Variants in FREM2 observed in about 807,000 individuals in gnomAD.
The protein encoded by FREM2 is FRAS1 related extracellular matrix 2.
FREM2 carries 119 observed loss-of-function variants against 219.9 expected under a neutral mutation model. The observed-to-expected ratio is 0.54, with a 90% CI of 0.47 to 0.63. FREM2 has a LOEUF of 0.63. Among genes scored for constraint, FREM2 ranks in the 30% least tolerant of loss-of-function variants. The probability of loss-of-function intolerance (pLI) is 0.00; values close to 1 mark genes in which losing one functional copy is unlikely to be tolerated. For synonymous variants in FREM2, 1,562 were observed against 1,522.8 expected, an observed-to-expected ratio of 1.03 and a Z score of -0.60; for missense variants, 4,030 against 3,993.6, an observed-to-expected ratio of 1.01 and a Z score of -0.25.
chr13:38,800,745 T>C (rs1403496979), intron 6 of FREM2, among the ~76,000 whole-genome samples: 1 of 152,174 alleles, frequency 6.6e-6, no homozygotes, highest in Non-Finnish European at 1.5e-5. Flanking sequence ...TTCTCTTGCC[T>C]CAGCCTCCCA....
At chr13:38,835,972 A>G (rs1247415188) in intron 6 of FREM2, among the ~76,000 whole-genome samples, 2 of 152,162 alleles carry the variant, frequency 1.3e-5, no homozygotes, top group African/African-American at 2.4e-5. Context: ...AGAAATTCCA[A>G]TACTATGTTG....
chr13:38,731,619 C>T (rs2137767940), intron 2 of FREM2, among the ~76,000 whole-genome samples: 1 of 152,322 alleles, frequency 6.6e-6, no homozygotes, highest in South Asian at 2.1e-4. Context: ...TATGGATTTT[C>T]ACAAAAGTAA....
intron 6 of FREM2, among the ~76,000 whole-genome samples, chr13:38,805,688 G>A (rs978386724): frequency 6.6e-6 from 1 of 151,890 alleles, no homozygotes; most frequent in African/African-American, 2.4e-5. Context: ...AATAAATTGA[G>A]TATGTGAAGT....
At chr13:38,759,892 T>A (rs540572820) in intron 2 of FREM2, among the ~76,000 whole-genome samples, 1 of 152,346 alleles carries the variant, frequency 6.6e-6, no homozygotes, top group East Asian at 1.9e-4. Flanking sequence ...AAATAAGGTA[T>A]CTTTCTATTC....
chr13:38,687,701 G>C lies in FREM2; in HGVS notation c.357G>C (p.Pro119=), dbSNP rs766039620. The change falls in exon 1 of 24, where the codon CCG becomes CCC. Residue 119 remains proline, a synonymous_variant. Coordinates refer to ENST00000280481, the MANE Select transcript of FREM2 (RefSeq NM_207361.6). ...ACAACGACGCACTGGCCCAGCGACC[G>C]GGCCGCCTGAGTCCCAAGCGCTTCC... ...VLDNDALAQR[P]GRLSPKRFPC... 1.1e-4 allele frequency: 174 copies of C among 1,570,764 alleles called. No individual in the cohort carries two copies. The highest frequency in any genetic ancestry group is 1.5e-4 in the Non-Finnish European group (171 of 1,155,950).
intron 6 of FREM2, among the ~76,000 whole-genome samples, chr13:38,801,962 A>G (rs4325422): frequency 8.5e-4 from 130 of 152,250 alleles, no homozygotes; most frequent in African/African-American, 2.9e-3. Flanking sequence ...ATATGGGTAG[A>G]TGTCATCTGT....
intron 2 of FREM2, among the ~76,000 whole-genome samples, chr13:38,764,067 C>CTT (rs761929861): frequency 1.3e-5 from 2 of 152,154 alleles, no homozygotes; most frequent in African/African-American, 2.4e-5. Flanking sequence ...CTACCCATTA[C>CTT]CTACTTCCCC....
rs1157083162 is a variant in FREM2, at chr13:38,885,708, A to C, written c.*4921A>C. On this transcript the variant is annotated 3_prime_UTR_variant, in exon 24 of 24. Coordinates refer to ENST00000280481, the MANE Select transcript of FREM2 (RefSeq NM_207361.6). Reference sequence around the variant, plus strand: ...GTTAAGGCTTTCAGATGAAAGAAAAAAGAACTTCCTGCAAAAGATCAAAAG... The same window carrying C: ...GTTAAGGCTTTCAGATGAAAGAAAACAGAACTTCCTGCAAAAGATCAAAAG... 3.3e-5 allele frequency: 5 copies of C among 152,200 alleles called. No individual in the cohort carries two copies. Among genetic ancestry groups the C allele is most frequent in the African/African-American group, 9.6e-5 (4 of 41,464 alleles). The allele number at this position is 152,200 out of a possible 1,614,324, so 9.4% of individuals were successfully genotyped here. A position where few individuals can be genotyped will look rare whatever the true frequency, so the allele number is the denominator to read the frequency against.
Position 38,735,178 on chromosome 13 carries a change from C to T in FREM2, c.5264-29126C>T, listed in dbSNP as rs924880063. Among the ~76,000 whole-genome samples, 16 of 152,298 alleles carry T rather than the reference C, an allele frequency of 1.1e-4. No individual in the cohort carries two copies. In the South Asian group the frequency reaches 2.7e-3, roughly 26 times the overall value. On this transcript the variant is annotated intron_variant, in intron 2 of 23. Transcript: ENST00000280481. ...GATTTATATGAAGAAACCTCAGCCT[C>T]ACGACACTGTCCCTTTTATGAAGAA...
At chr13:38,863,094 G>A (rs1877822434) in intron 15 of FREM2, among the ~76,000 whole-genome samples, 1 of 151,988 alleles carries the variant, frequency 6.6e-6, no homozygotes, top group Non-Finnish European at 1.5e-5. Flanking sequence ...CTGTTACCCA[G>A]GCTGGAGTGC....
chr13:38,692,574 T>C (rs927358593), intron 1 of FREM2, 57 bp downstream of exon 1: 35 of 1,565,554 alleles, frequency 2.2e-5, no homozygotes, highest in Middle Eastern at 1.7e-4. Flanking sequence ...GTGGCTTCAC[T>C]AAAAGCCTCA....
intron 6 of FREM2, among the ~76,000 whole-genome samples, chr13:38,789,904 C>A (rs1280294413): frequency 6.6e-6 from 1 of 151,694 alleles, no homozygotes; most frequent in South Asian, 2.1e-4. Context: ...GCTTCAACTG[C>A]TTCTTGTTCA....
chr13:38,754,904 T>TGATG (rs1566129763), intron 2 of FREM2, among the ~76,000 whole-genome samples: 1 of 132,286 alleles, frequency 7.6e-6, no homozygotes, highest in African/African-American at 3.0e-5. Flanking sequence ...TGATGATGAT[T>TGATG]ATTATTATTA....
Position 38,688,344 on chromosome 13 carries a change from G to T in FREM2, c.1000G>T (p.Val334Leu), listed in dbSNP as rs1593340306. The change falls in exon 1 of 24, where the codon GTA becomes TTA. Residue 334 changes from valine (V) to leucine (L), a missense_variant. Coordinates refer to ENST00000280481, the MANE Select transcript of FREM2 (RefSeq NM_207361.6). ...AMMMMEVDQF[V>L]LTALTPDMLA... Reference sequence around the variant, plus strand: ...GATGATGATGGAGGTGGACCAGTTTGTACTGACGGCCCTGACCCCAGACAT... The same window carrying T: ...GATGATGATGGAGGTGGACCAGTTTTTACTGACGGCCCTGACCCCAGACAT... The T allele has an allele frequency of 6.2e-7, 1 of 1,614,224 alleles. No individual in the cohort carries two copies. The highest frequency in any genetic ancestry group is 1.1e-5 in the South Asian group (1 of 91,080).
chr13:38,875,314 T>C (rs1878305460), intron 18 of FREM2, among the ~76,000 whole-genome samples: 1 of 152,146 alleles, frequency 6.6e-6, no homozygotes, highest in Non-Finnish European at 1.5e-5. Flanking sequence ...ACTCAACATC[T>C]TTATAGCTTT....
At chr13:38,858,883 G>A (rs1043255418) in intron 13 of FREM2, among the ~76,000 whole-genome samples, 7 of 151,364 alleles carry the variant, frequency 4.6e-5, no homozygotes, top group Non-Finnish European at 8.8e-5. Context: ...GAGAAGTGCT[G>A]CTGGAAATGG....
At position 38,691,656 on chromosome 13, in the gene FREM2, A is replaced by G. The variant is rs771794507; in HGVS notation, c.4312A>G (p.Thr1438Ala). 5.6e-6 allele frequency: 9 copies of G among 1,614,056 alleles called. No homozygotes were observed. The highest frequency in any genetic ancestry group is 7.6e-6 in the Non-Finnish European group (9 of 1,180,002). Residue 1438 changes from threonine (T) to alanine (A), a missense_variant, in exon 1 of 24, where the codon ACT (threonine) becomes GCT (alanine). Thr to Ala is a moderately conservative substitution (Grantham distance 58). Around this residue, in one of 2 missense-constraint regions of FREM2, gnomAD observed 3,102 missense variants for 2,950.7 expected, o/e 1.05. Transcript: ENST00000280481. ...GTCCTTGAAAGAAGGTGGCAAAGTC[A>G]CTCTTACAACAGACCTACTAAGCAC... ...GVSLKEGGKV[T>A]LTTDLLSTSD...
chr13:38,842,966 C>T (rs1188654731), intron 6 of FREM2, among the ~76,000 whole-genome samples: 3 of 152,138 alleles, frequency 2.0e-5, no homozygotes, highest in Non-Finnish European at 2.9e-5. Context: ...GTAGTCAATG[C>T]CTTGATCTAT....
rs73459893 is a variant in FREM2, at chr13:38,735,849, G to A, written c.5264-28455G>A. On this transcript the variant is annotated intron_variant, in intron 2 of 23. Coordinates refer to ENST00000280481, the MANE Select transcript of FREM2 (RefSeq NM_207361.6). ...CTGCCTCCCTATCTGAGGAGCCATC[G>A]CCACCAGTATTTCCAGGCAATTAAT... is the stretch of plus-strand genomic sequence containing the variant. Among the ~76,000 whole-genome samples the A allele has an allele frequency of 5.0e-3, 768 of 152,208 alleles. 12 individuals are homozygous for A. The highest frequency in any genetic ancestry group is 0.018 in the African/African-American group (733 of 41,524).
Sources: gnomAD v4.1 joint callset for allele counts (sites outside exome capture counted in the v4.1 genomes callset) on GRCh38, gnomAD v4.1.1 for gene constraint, gnomAD v4.1.1 regional missense constraint, MANE v1.5 for transcripts, NCBI Gene and HGNC (gene_info 2026-07-23, HGNC 2026-07-21) for gene names.